The following DYNC1I2 variants were observed in gnomAD, a reference collection of about 807,000 sequenced individuals.
DYNC1I2 encodes cytoplasmic dynein 1 intermediate chain 2.
A neutral mutation model predicts 88.6 loss-of-function variants in DYNC1I2; 53 were observed. The observed-to-expected ratio is 0.60, with a 90% CI of 0.48 to 0.75. DYNC1I2 has a LOEUF of 0.75. Ranked by LOEUF, DYNC1I2 falls within the 30% of genes least tolerant of loss-of-function variation. DYNC1I2 has a pLI of 0.00. For missense variants in DYNC1I2, 458 were observed against 766.6 expected (o/e 0.60, Z 4.75); for synonymous variants, 198 against 254.6 (o/e 0.78, Z 2.12).
At chr2:171,709,152 A>G (rs1160631322) in intron 5 of DYNC1I2, among the ~76,000 whole-genome samples, 1 of 152,146 alleles carries the variant, frequency 6.6e-6, no homozygotes, top group Non-Finnish European at 1.5e-5. Flanking sequence ...TTTTATGTAG[A>G]TACTATACTG....
intron 3 of DYNC1I2, among the ~76,000 whole-genome samples, chr2:171,693,773 A>G (rs1221263299): frequency 6.6e-6 from 1 of 152,148 alleles, no homozygotes; most frequent in Non-Finnish European, 1.5e-5. Flanking sequence ...CTTTCAGCTC[A>G]TTTTCCTTTT....
At chr2:171,689,619 C>A (rs1393013582) in intron 1 of DYNC1I2, among the ~76,000 whole-genome samples, 1 of 152,086 alleles carries the variant, frequency 6.6e-6, no homozygotes, top group Non-Finnish European at 1.5e-5. Context: ...TTACTATGGG[C>A]TAGCTACTAT....
At chr2:171,712,559 C>T (rs571208179) in intron 5 of DYNC1I2, 6 of 496,228 alleles carry the variant, frequency 1.2e-5, no homozygotes, top group African/African-American at 3.9e-5. Context: ...CATCTTTAAC[C>T]ATAGGAAGCC....
chr2:171,701,712 T>C (rs1267455288), intron 3 of DYNC1I2, among the ~76,000 whole-genome samples: 3 of 152,206 alleles, frequency 2.0e-5, no homozygotes, highest in Non-Finnish European at 4.4e-5. Flanking sequence ...ATTTAAACTT[T>C]GTTGAGTATT....
chr2:171,693,075 C>A, intron 3 of DYNC1I2, 181 bp downstream of exon 3: 1 of 565,586 alleles, frequency 1.8e-6, no homozygotes, highest in Non-Finnish European at 3.2e-6. Flanking sequence ...TTTATTTGTT[C>A]AAAAGAGCTG....
intron 7 of DYNC1I2, among the ~76,000 whole-genome samples, chr2:171,720,816 C>T (rs967447148): frequency 2.0e-5 from 3 of 151,984 alleles, no homozygotes; most frequent in African/African-American, 7.3e-5. Context: ...CCTCAGAGGA[C>T]CTATAAGAAT....
chr2:171,736,814 T>C (rs1689041030), intron 15 of DYNC1I2, among the ~76,000 whole-genome samples: 1 of 152,234 alleles, frequency 6.6e-6, no homozygotes, highest in Non-Finnish European at 1.5e-5. Context: ...CATTTATTTC[T>C]CTTCTGATCC....
At chr2:171,708,186 G>A (rs554420347) in intron 5 of DYNC1I2, among the ~76,000 whole-genome samples, 12 of 151,722 alleles carry the variant, frequency 7.9e-5, no homozygotes, top group East Asian at 5.8e-4. Context: ...GCTTATTTTG[G>A]GCCAGGAAGT....
At chr2:171,701,077 A>G (rs1686218570) in intron 3 of DYNC1I2, among the ~76,000 whole-genome samples, 2 of 152,268 alleles carry the variant, frequency 1.3e-5, no homozygotes, top group African/African-American at 2.4e-5. Flanking sequence ...TTTGAACTCA[A>G]AAACAAGCTT....
intron 7 of DYNC1I2, among the ~76,000 whole-genome samples, chr2:171,715,968 A>G (rs1687461113): frequency 6.6e-6 from 1 of 152,152 alleles, no homozygotes; most frequent in African/African-American, 2.4e-5. Context: ...TAATTTGTGT[A>G]TAGTATGGGG....
chr2:171,717,422 A>G (rs1687584206), intron 7 of DYNC1I2, among the ~76,000 whole-genome samples: 1 of 151,962 alleles, frequency 6.6e-6, no homozygotes, highest in African/African-American at 2.4e-5. Context: ...GCCATGTCCA[A>G]GTACTTTTTA....
intron 7 of DYNC1I2, among the ~76,000 whole-genome samples, chr2:171,716,628 G>T (rs1296644042): frequency 1.3e-5 from 2 of 152,068 alleles, no homozygotes; most frequent in African/African-American, 4.8e-5. Flanking sequence ...TAGGATTGTG[G>T]CCGGACGTGG....
intron 7 of DYNC1I2, 85 bp downstream of exon 7, chr2:171,715,528 T>G (rs1687429269): frequency 1.0e-6 from 1 of 975,512 alleles, no homozygotes; most frequent in South Asian, 1.9e-5. Context: ...ATTTTTGTTT[T>G]GTTTCTTTTT....
intron 3 of DYNC1I2, among the ~76,000 whole-genome samples, chr2:171,702,211 A>G (rs1686315273): frequency 6.6e-6 from 1 of 151,998 alleles, no homozygotes; most frequent in African/African-American, 2.4e-5. Flanking sequence ...AGATTTAAGA[A>G]TTTAAGTTTC....
intron 3 of DYNC1I2, among the ~76,000 whole-genome samples, chr2:171,695,300 C>T (rs942758864): frequency 6.6e-6 from 1 of 152,020 alleles, no homozygotes; most frequent in Non-Finnish European, 1.5e-5. Context: ...GGGCTTTCAC[C>T]ACGTTGGCCA....
chr2:171,717,758 A>T lies in DYNC1I2; in HGVS notation c.511+2315A>T, dbSNP rs529980974. Among the ~76,000 whole-genome samples the T allele has an allele frequency of 4.6e-4, 70 of 152,304 alleles. 1 individual carries two copies. In the South Asian group the frequency reaches 0.014, roughly 31 times the overall value. On this transcript the variant is annotated intron_variant, in intron 7 of 17. Coordinates refer to ENST00000397119, the MANE Select transcript of DYNC1I2 (RefSeq NM_001378.3). ...ACTCAGAAAGTGACCAGAATAACCA[A>T]AACGAAGGCACAGTGACTCATTTAA... is the stretch of plus-strand genomic sequence containing the variant.
At chr2:171,716,051 A>G (rs968747323) in intron 7 of DYNC1I2, among the ~76,000 whole-genome samples, 1 of 152,110 alleles carries the variant, frequency 6.6e-6, no homozygotes, top group African/African-American at 2.4e-5. Flanking sequence ...ATAGCTAACG[A>G]TTCAAGCATA....
At chr2:171,745,964 T>C (rs778704645) in intron 17 of DYNC1I2, 37 bp downstream of exon 17, 2 of 1,611,142 alleles carry the variant, frequency 1.2e-6, no homozygotes, top group South Asian at 2.2e-5. Flanking sequence ...GACACATCGA[T>C]TTAGTTGCAT....
chr2:171,721,408 A>G (rs1291134758), intron 7 of DYNC1I2, among the ~76,000 whole-genome samples: 6 of 152,178 alleles, frequency 3.9e-5, no homozygotes, highest in Non-Finnish European at 8.8e-5. Context: ...ATTCTCTTTA[A>G]TATGCATCTG....
Sources: gnomAD v4.1 joint callset for allele counts (sites outside exome capture counted in the v4.1 genomes callset) on GRCh38, gnomAD v4.1.1 for gene constraint, MANE v1.5 for transcripts, NCBI Gene and HGNC (gene_info 2026-07-23, HGNC 2026-07-21) for gene names.